Variants in XKR4 observed in about 807,000 individuals in gnomAD.
XKR4 encodes XK related 4.
Under a neutral mutation model 53.9 loss-of-function variants are expected in XKR4, and 12 were observed. The ratio of observed to expected loss-of-function variants is 0.22; its 90% confidence interval spans 0.14 to 0.36. The LOEUF is 0.36. Ranked by LOEUF, XKR4 falls within the 10% of genes least tolerant of loss-of-function variation. The pLI is 1.00. For synonymous variants in XKR4, 354 were observed against 362.4 expected, an observed-to-expected ratio of 0.98 and a Z score of 0.26; for missense variants, 799 against 859.5, an observed-to-expected ratio of 0.93 and a Z score of 0.88.
chr8:55,509,385 T>C (rs946280496), intron 2 of XKR4, among the ~76,000 whole-genome samples: 1 of 152,240 alleles, frequency 6.6e-6, no homozygotes, highest in African/African-American at 2.4e-5. Context: ...TTCCATCTTG[T>C]CCTTTGTTTC....
intron 2 of XKR4, among the ~76,000 whole-genome samples, chr8:55,437,964 AAAGAAGAAG>A (rs140525104): frequency 1.8e-5 from 2 of 113,186 alleles, no homozygotes; most frequent in Non-Finnish European, 3.8e-5. Flanking sequence ...CAAAAAAAAA[AAAGAAGAAG>A]AAGAAGAAGA....
At chr8:55,372,978 A>G (rs1234092105) in intron 2 of XKR4, among the ~76,000 whole-genome samples, 2 of 152,166 alleles carry the variant, frequency 1.3e-5, no homozygotes, top group East Asian at 3.9e-4. Flanking sequence ...GTTAGGATAA[A>G]ATCACATGGA....
chr8:55,273,828 A>G (rs1174815803), intron 1 of XKR4, among the ~76,000 whole-genome samples: 1 of 152,214 alleles, frequency 6.6e-6, no homozygotes, highest in African/African-American at 2.4e-5. Flanking sequence ...CCACACAGCC[A>G]GCTCTGCTTA....
chr8:55,507,614 T>G (rs1806559917), intron 2 of XKR4, among the ~76,000 whole-genome samples: 1 of 152,168 alleles, frequency 6.6e-6, no homozygotes, highest in African/African-American at 2.4e-5. Context: ...TTTTTTGTCC[T>G]TGCGATAGTT....
intron 1 of XKR4, among the ~76,000 whole-genome samples, chr8:55,162,838 T>G (rs1817004973): frequency 6.6e-6 from 1 of 152,236 alleles, no homozygotes; most frequent in South Asian, 2.1e-4. Flanking sequence ...CTGTACTATA[T>G]ATGCACATAT....
Position 55,225,897 on chromosome 8 carries a change from G to A in XKR4, c.806+122603G>A, listed in dbSNP as rs190167838. 1.2e-4 allele frequency among the ~76,000 whole-genome samples: 19 copies of A among 152,312 alleles called. No homozygotes were observed. The East Asian group carries it at 3.7e-3, about 29-fold the overall frequency. Reference sequence around the variant, plus strand: ...TTTGTTGAGTAGGAAAGTTTGTTTTGTTCTGTAAGAAGTGAAGAGTATAGG... The same window carrying A: ...TTTGTTGAGTAGGAAAGTTTGTTTTATTCTGTAAGAAGTGAAGAGTATAGG... On this transcript the variant is annotated intron_variant, in intron 1 of 2. Coordinates refer to ENST00000327381, the MANE Select transcript of XKR4 (RefSeq NM_052898.2).
intron 2 of XKR4, among the ~76,000 whole-genome samples, chr8:55,457,671 G>T (rs1805590290): frequency 6.6e-6 from 1 of 152,214 alleles, no homozygotes; most frequent in African/African-American, 2.4e-5. Flanking sequence ...AGTTCACGGG[G>T]AGAAATGAAG....
chr8:55,449,767 C>A (rs1029321834), intron 2 of XKR4: 9 of 1,137,522 alleles, frequency 7.9e-6, no homozygotes, highest in Non-Finnish European at 1.1e-5. Flanking sequence ...TCTTGTCTAA[C>A]ATGAACCAGC....
intron 1 of XKR4, among the ~76,000 whole-genome samples, chr8:55,301,751 G>T (rs1473014184): frequency 6.6e-6 from 1 of 152,212 alleles, no homozygotes; most frequent in East Asian, 1.9e-4. Flanking sequence ...GGCCAGTGAT[G>T]ATGAACATTT....
At chr8:55,205,468 G>A (rs774193129) in intron 1 of XKR4, among the ~76,000 whole-genome samples, 11 of 152,102 alleles carry the variant, frequency 7.2e-5, no homozygotes, top group Non-Finnish European at 1.5e-4. Flanking sequence ...AATGTACTTA[G>A]GATGACAACA....
intron 2 of XKR4, among the ~76,000 whole-genome samples, chr8:55,406,626 C>T (rs1361666895): frequency 6.6e-6 from 1 of 152,242 alleles, no homozygotes; most frequent in African/African-American, 2.4e-5. Flanking sequence ...TTGATCCCAG[C>T]TCCCTCTTTT....
chr8:55,203,000 AC>A (rs1817596202), intron 1 of XKR4, among the ~76,000 whole-genome samples: 1 of 152,196 alleles, frequency 6.6e-6, no homozygotes, highest in Non-Finnish European at 1.5e-5. Context: ...CATTTGAAAG[AC>A]CGAGGAGACT....
At chr8:55,502,521 G>A (rs1163189393) in intron 2 of XKR4, among the ~76,000 whole-genome samples, 1 of 151,986 alleles carries the variant, frequency 6.6e-6, no homozygotes, top group Non-Finnish European at 1.5e-5. Context: ...GGCCATCTGT[G>A]TAACCTCTTT....
At chr8:55,250,728 G>A (rs1449309147) in intron 1 of XKR4, among the ~76,000 whole-genome samples, 2 of 152,172 alleles carry the variant, frequency 1.3e-5, no homozygotes, top group African/African-American at 4.8e-5. Context: ...GGAAAAAAAT[G>A]TACTAGCAAC....
At chr8:55,327,290 C>T (rs547979706) in intron 1 of XKR4, among the ~76,000 whole-genome samples, 2 of 151,704 alleles carry the variant, frequency 1.3e-5, no homozygotes, top group South Asian at 4.2e-4. Flanking sequence ...TTTTCTCCCC[C>T]ATTTAGAAAA....
At position 55,505,936 on chromosome 8, in the gene XKR4, A is replaced by G. The variant is rs547341430; in HGVS notation, c.1007-17345A>G. On this transcript the variant is annotated intron_variant, in intron 2 of 2. Coordinates refer to ENST00000327381, the MANE Select transcript of XKR4 (RefSeq NM_052898.2). ...TCATGACACCAAATAATCTTCCTAT[A>G]TCAAAATATATATTTGAACTTTTAA... 5.9e-5 allele frequency among the ~76,000 whole-genome samples: 9 copies of G among 152,358 alleles called. No individual in the cohort carries two copies. In the South Asian group the frequency reaches 1.9e-3, roughly 32 times the overall value.
At chr8:55,177,330 C>G (rs566680937) in intron 1 of XKR4, among the ~76,000 whole-genome samples, 80 of 152,202 alleles carry the variant, frequency 5.3e-4, no homozygotes, top group Non-Finnish European at 9.6e-4. Flanking sequence ...AGCCACCATG[C>G]CTGACCACTT....
intron 1 of XKR4, among the ~76,000 whole-genome samples, chr8:55,246,414 A>G (rs1818286211): frequency 6.6e-6 from 1 of 152,152 alleles, no homozygotes; most frequent in African/African-American, 2.4e-5. Flanking sequence ...CCAGAACATA[A>G]TTTGGGGAAA....
intron 1 of XKR4, among the ~76,000 whole-genome samples, chr8:55,198,292 T>C (rs1029312991): frequency 6.6e-6 from 1 of 152,196 alleles, no homozygotes; most frequent in African/African-American, 2.4e-5. Flanking sequence ...TCAACCTGGG[T>C]AACTTGTAGT....
Sources: gnomAD v4.1 joint callset for allele counts (sites outside exome capture counted in the v4.1 genomes callset) on GRCh38, gnomAD v4.1.1 for gene constraint, MANE v1.5 for transcripts, NCBI Gene and HGNC (gene_info 2026-07-23, HGNC 2026-07-21) for gene names.